The following PXDN variants were observed in gnomAD, a reference collection of about 807,000 sequenced individuals.
PXDN encodes peroxidasin.
In PXDN, 77 loss-of-function variants were observed where a neutral mutation model predicts 140.3. The ratio of observed to expected loss-of-function variants is 0.55; its 90% CI spans 0.46 to 0.66. The LOEUF (loss-of-function observed/expected upper bound fraction) is 0.66. PXDN is among the 30% of genes least tolerant of loss of function. PXDN has a pLI of 0.00. For missense variants in PXDN, 1,838 were observed against 2,039.5 expected (o/e 0.90, Z 1.90); for synonymous variants, 911 against 857.4 (o/e 1.06, Z -1.09).
At chr2:1,711,440 A>ACT (rs1179360439) in intron 1 of PXDN, among the ~76,000 whole-genome samples, 1 of 88,304 alleles carries the variant, frequency 1.1e-5, no homozygotes, top group Non-Finnish European at 2.1e-5. Context: ...ACTAGCACCC[A>ACT]CTCCACCAGC....
intron 1 of PXDN, among the ~76,000 whole-genome samples, chr2:1,694,711 C>T (rs1684262494): frequency 6.6e-6 from 1 of 152,208 alleles, no homozygotes; most frequent in African/African-American, 2.4e-5. Context: ...CACGGACTCT[C>T]CACGTAGGAG....
chr2:1,680,151 G>GGTGTGTGTGTAAATT, intron 7 of PXDN, 42 bp downstream of exon 7: 2 of 1,508,310 alleles, frequency 1.3e-6, no homozygotes, highest in Non-Finnish European at 8.9e-7. Context: ...GTGTGTAGAT[G>GGTGTGTGTGTAAATT]GTGTGAGTGT....
At chr2:1,706,280 TG>T (rs1684605330) in intron 1 of PXDN, among the ~76,000 whole-genome samples, 4 of 152,322 alleles carry the variant, frequency 2.6e-5, no homozygotes, top group Admixed American at 2.0e-4. Flanking sequence ...TGGTATTCAC[TG>T]GGTCACAGTC....
chr2:1,649,141 C>A lies in PXDN; in HGVS notation c.2639G>T (p.Arg880Leu). 2 of 1,612,570 alleles carry A rather than the reference C, an allele frequency of 1.2e-6. No homozygotes were observed. Among genetic ancestry groups the A allele is most frequent in the Non-Finnish European group, 1.7e-6 (2 of 1,179,844 alleles). Reference sequence around the variant, plus strand: ...GCCGCTGCCGCACACAGGGCTGGAGCGCACGAAGAACATGCAGCGGGCCCC... The same window carrying A: ...GCCGCTGCCGCACACAGGGCTGGAGAGCACGAAGAACATGCAGCGGGCCCC... ...RSGARCMFFV[R>L]SSPVCGSGMT... is the part of the protein sequence containing the mutation. Residue 880 changes from arginine (R) to leucine (L), a missense_variant, in exon 17 of 23, where the codon CGC becomes CTC. Coordinates refer to ENST00000252804, the MANE Select transcript of PXDN (RefSeq NM_012293.3). This position sits in a 1 kb window ranked among gnomAD's most constrained non-coding sequence, Gnocchi z 7.1.
chr2:1,690,312 C>T (rs1316731439), intron 3 of PXDN, among the ~76,000 whole-genome samples: 3 of 152,010 alleles, frequency 2.0e-5, no homozygotes, highest in African/African-American at 4.8e-5. Flanking sequence ...CCAGGGACAC[C>T]GCAGTTTGTT....
rs563534716 is a variant in PXDN at position 1,692,016 on chromosome 2, A to G, written c.273-17T>C. ...TTGAGAAGCCTATGAAAGAGAGTCG[A>G]TAAGAATTTTAAAAAACAACAGAAA... On this transcript the variant is annotated splice_polypyrimidine_tract_variant and intron_variant, in intron 2 of 22. Coordinates refer to ENST00000252804, the MANE Select transcript of PXDN (RefSeq NM_012293.3). 177 of 1,482,602 alleles carry G rather than the reference A, an allele frequency of 1.2e-4. 1 individual carries two copies. Among genetic ancestry groups the G allele is most frequent in the South Asian group, 1.1e-3 (82 of 76,894 alleles). The allele number at this position is 1,482,602 out of a possible 1,614,324, so 91.8% of individuals were successfully genotyped here. A position where few individuals can be genotyped will look rare whatever the true frequency, so the allele number is the denominator to read the frequency against.
chr2:1,744,246 C>T lies in PXDN; in HGVS notation c.200+10G>A. 1.4e-6 allele frequency: 2 copies of T among 1,480,914 alleles called. No homozygotes were observed. The highest frequency in any genetic ancestry group is 1.3e-5 in the South Asian group (1 of 78,670). The allele number at this position is 1,480,914 out of a possible 1,614,324, so 91.7% of individuals were successfully genotyped here. A position where few individuals can be genotyped will look rare whatever the true frequency, so the allele number is the denominator to read the frequency against. On this transcript the variant is annotated intron_variant, in intron 1 of 22. Transcript: ENST00000252804. ...GACCCCGCGCCCCCGGCGTCCCCCG[C>T]GGCACTCACAGGATGGAGGTCTGCG...
chr2:1,744,206 C>A, intron 1 of PXDN, 50 bp downstream of exon 1: 1 of 1,419,322 alleles, frequency 7.0e-7, no homozygotes, highest in Non-Finnish European at 9.2e-7. Flanking sequence ...GCTCCCGGAT[C>A]TCCACGAAGC....
intron 9 of PXDN, among the ~76,000 whole-genome samples, chr2:1,669,143 C>CT (rs1162049966): frequency 1.3e-5 from 2 of 152,164 alleles, no homozygotes; most frequent in Admixed American, 6.5e-5. Flanking sequence ...AGTTCATGTC[C>CT]TTTGCAGGAA....
chr2:1,701,074 C>T (rs1440652881), intron 1 of PXDN, among the ~76,000 whole-genome samples: 1 of 152,194 alleles, frequency 6.6e-6, no homozygotes. Context: ...ATCTCCCCGT[C>T]CCAGTCTTGC....
chr2:1,741,959 C>A (rs1021528685), intron 1 of PXDN, among the ~76,000 whole-genome samples: 81 of 152,250 alleles, frequency 5.3e-4, no homozygotes, highest in African/African-American at 1.7e-3. Flanking sequence ...GAATAGGTCT[C>A]CCTCTTCCCT....
chr2:1,648,616 G>GGGTCGTAGCCGT lies in PXDN; in HGVS notation c.3152_3163dup (p.His1051_Asp1054dup). The GGGTCGTAGCCGT allele has an allele frequency of 1.2e-6, 2 of 1,611,734 alleles. No individual in the cohort carries two copies. The highest frequency in any genetic ancestry group is 1.7e-6 in the Non-Finnish European group (2 of 1,179,354). ...GTTGAAGATGCCAGCATTGATGCCG[G>GGGTCGTAGCCGT]GGTCGTAGCCGTGGTACTCTCCCAG... On this transcript the variant is annotated inframe_insertion, in exon 17 of 23. Transcript: ENST00000252804. The surrounding 1 kb of genome is among the most constrained non-coding windows in gnomAD (Gnocchi z 8.9).
At chr2:1,692,702 C>T (rs1327296330) in intron 2 of PXDN, 3 of 441,784 alleles carry the variant, frequency 6.8e-6, no homozygotes, top group Non-Finnish European at 1.4e-5. Flanking sequence ...AGAAGAAGCA[C>T]TGTCCTGCTC....
intron 2 of PXDN, chr2:1,692,406 C>T (rs940586112): frequency 1.8e-5 from 8 of 437,728 alleles, no homozygotes; most frequent in Admixed American, 7.5e-5. Flanking sequence ...CCCTGTGGCC[C>T]GTGCTCCATT....
chr2:1,653,859 T>C, intron 15 of PXDN, 74 bp from the exon 16 acceptor site: 1 of 1,398,866 alleles, frequency 7.1e-7, no homozygotes, highest in Non-Finnish European at 9.7e-7. Context: ...TACCCCAAAA[T>C]ATAATCATTG....
At chr2:1,635,766 G>A (rs1049323274) in intron 21 of PXDN, 3 of 490,132 alleles carry the variant, frequency 6.1e-6, no homozygotes, top group Admixed American at 3.2e-5. Flanking sequence ...TCACAAAGGC[G>A]ACGTTCTCAG....
chr2:1,659,314 G>C (rs1572135406), intron 14 of PXDN, among the ~76,000 whole-genome samples: 1 of 152,174 alleles, frequency 6.6e-6, no homozygotes, highest in Admixed American at 6.5e-5. Flanking sequence ...ATTTCAGCTA[G>C]GCAGAAACCT....
At chr2:1,710,355 G>A (rs898365050) in intron 1 of PXDN, among the ~76,000 whole-genome samples, 2 of 152,156 alleles carry the variant, frequency 1.3e-5, no homozygotes, top group Admixed American at 6.5e-5. Context: ...GACCCAGGCC[G>A]CTGGGGGCTC....
Position 1,687,710 on chromosome 2 carries a change from C to A in PXDN, c.345-7G>T. On this transcript the variant is annotated splice_polypyrimidine_tract_variant and splice_region_variant and intron_variant, in intron 3 of 22. Coordinates refer to ENST00000252804, the MANE Select transcript of PXDN (RefSeq NM_012293.3). The surrounding 1 kb of genome is among the most constrained non-coding windows in gnomAD (Gnocchi z 4.0). ...CTCATTCTTGTACAGATAGCTGAAA[C>A]AAGAAACATTGGGGAGCATTAGCAC... 1.3e-6 allele frequency: 2 copies of A among 1,505,720 alleles called. No homozygotes were observed. The highest frequency in any genetic ancestry group is 9.2e-7 in the Non-Finnish European group (1 of 1,087,550). The allele number at this position is 1,505,720 out of a possible 1,614,324, so 93.3% of individuals were successfully genotyped here. A position where few individuals can be genotyped will look rare whatever the true frequency, so the allele number is the denominator to read the frequency against.
Sources: gnomAD v4.1 joint callset for allele counts (sites outside exome capture counted in the v4.1 genomes callset) on GRCh38, gnomAD v4.1.1 for gene constraint, Gnocchi (gnomAD v3.1) non-coding constraint, MANE v1.5 for transcripts, NCBI Gene and HGNC (gene_info 2026-07-23, HGNC 2026-07-21) for gene names.